Variants in LGSN observed in about 807,000 individuals in gnomAD.
LGSN encodes lengsin.
Under a neutral mutation model 19.5 loss-of-function variants are expected in LGSN, and 21 were observed. The ratio of observed to expected loss-of-function variants is 1.07; its 90% CI spans 0.76 to 1.55. The LOEUF (loss-of-function observed/expected upper bound fraction) is 1.55, where lower values mean the gene tolerates loss of function less well. LGSN is among the 40% of genes most tolerant of loss of function. LGSN has a pLI of 0.00. For missense variants in LGSN, 673 were observed against 608.5 expected (o/e 1.11, Z -1.12); for synonymous variants, 257 against 215.6 (o/e 1.19, Z -1.68).
the LGSN span, among the ~76,000 whole-genome samples, chr6:63,504,798 T>C: frequency 6.6e-6 from 1 of 152,176 alleles, no homozygotes; most frequent in Non-Finnish European, 1.5e-5. Flanking sequence ...TATCAATGCT[T>C]GATAATTGCA....
chr6:63,337,123 C>G, the LGSN span, among the ~76,000 whole-genome samples: 4 of 150,756 alleles, frequency 2.7e-5, no homozygotes, highest in South Asian at 8.5e-4. Flanking sequence ...CGGGGTTTCA[C>G]CATGTTGGCC....
chr6:63,453,503 C>T, the LGSN span, among the ~76,000 whole-genome samples: 2 of 152,010 alleles, frequency 1.3e-5, no homozygotes, highest in East Asian at 3.9e-4. Context: ...TTCAACTGAT[C>T]CCTTTATTGT....
At chr6:63,313,643 T>C (rs1025593393) in intron 1 of LGSN, among the ~76,000 whole-genome samples, 3 of 152,006 alleles carry the variant, frequency 2.0e-5, no homozygotes, top group African/African-American at 4.8e-5. Context: ...GAGACCAGCC[T>C]GGCCAACATA....
chr6:63,557,316 A>C, the LGSN span, among the ~76,000 whole-genome samples: 2 of 152,230 alleles, frequency 1.3e-5, no homozygotes, highest in African/African-American at 4.8e-5. Context: ...CTGTAATCCC[A>C]GAACTTTGGG....
chr6:63,504,686 C>T, the LGSN span, among the ~76,000 whole-genome samples: 1 of 152,210 alleles, frequency 6.6e-6, no homozygotes, highest in Non-Finnish European at 1.5e-5. Flanking sequence ...TCATGTGATC[C>T]ACCCACCTCG....
At chr6:63,492,441 T>C in the LGSN span, among the ~76,000 whole-genome samples, 1 of 152,244 alleles carries the variant, frequency 6.6e-6, no homozygotes, top group Non-Finnish European at 1.5e-5. Context: ...TCCGTAATTA[T>C]ACAGTGACTT....
the LGSN span, among the ~76,000 whole-genome samples, chr6:63,564,949 T>C: frequency 6.6e-6 from 1 of 152,196 alleles, no homozygotes; most frequent in East Asian, 1.9e-4. Context: ...CCCAAGGAAA[T>C]GGTGCCTTTC....
chr6:63,443,925 A>AG, the LGSN span, among the ~76,000 whole-genome samples: 1 of 151,898 alleles, frequency 6.6e-6, no homozygotes, highest in African/African-American at 2.4e-5. Flanking sequence ...AAAAAAAAAA[A>AG]AAAGTGTCAT....
At chr6:63,413,601 T>A in the LGSN span, among the ~76,000 whole-genome samples, 2 of 152,192 alleles carry the variant, frequency 1.3e-5, no homozygotes, top group African/African-American at 4.8e-5. Flanking sequence ...TTAGGCAAAC[T>A]TCTCAGCAGG....
chr6:63,482,228 A>T, the LGSN span, among the ~76,000 whole-genome samples: 1 of 152,172 alleles, frequency 6.6e-6, no homozygotes, highest in African/African-American at 2.4e-5. Flanking sequence ...CTTCATGAGA[A>T]CCTGAACTTT....
chr6:63,331,040 T>TC, the LGSN span, among the ~76,000 whole-genome samples: 1 of 152,108 alleles, frequency 6.6e-6, no homozygotes, highest in African/African-American at 2.4e-5. Flanking sequence ...CAAATTCCCC[T>TC]CCCCCTACAG....
chr6:63,500,520 C>A, the LGSN span, among the ~76,000 whole-genome samples: 1 of 151,924 alleles, frequency 6.6e-6, no homozygotes, highest in Non-Finnish European at 1.5e-5. Context: ...TTCCTGGGTT[C>A]AAGTGATTCT....
intron 2 of LGSN, among the ~76,000 whole-genome samples, chr6:63,288,471 A>C (rs1050545912): frequency 1.3e-5 from 2 of 151,878 alleles, no homozygotes; most frequent in Non-Finnish European, 2.9e-5. Flanking sequence ...TGGAAAAAAA[A>C]AAAACCATAA....
chr6:63,528,952 G>A, the LGSN span, among the ~76,000 whole-genome samples: 1 of 151,714 alleles, frequency 6.6e-6, no homozygotes, highest in Non-Finnish European at 1.5e-5. Flanking sequence ...AGCTGGGCGT[G>A]GTGGCACATG....
At chr6:63,336,918 C>CTTTCT in the LGSN span, among the ~76,000 whole-genome samples, 7 of 143,108 alleles carry the variant, frequency 4.9e-5, no homozygotes, top group Non-Finnish European at 9.1e-5. Flanking sequence ...TATGACATTC[C>CTTTCT]TTTCTTTTCT....
At chr6:63,356,009 G>GT in the LGSN span, among the ~76,000 whole-genome samples, 4 of 151,876 alleles carry the variant, frequency 2.6e-5, no homozygotes, top group South Asian at 6.2e-4. Flanking sequence ...TGTTATTCCT[G>GT]TATCTGTTCA....
the LGSN span, among the ~76,000 whole-genome samples, chr6:63,568,869 A>G: frequency 6.6e-6 from 1 of 152,076 alleles, no homozygotes; most frequent in Admixed American, 6.6e-5. Flanking sequence ...ATGGGAACTT[A>G]CCCTCTGCAC....
Position 63,279,969 on chromosome 6 carries a change from AT to A in LGSN, c.*51del. 6.8e-7 allele frequency: 1 copy of A among 1,469,904 alleles called. No homozygotes were observed. Among genetic ancestry groups the A allele is most frequent in the Non-Finnish European group, 9.1e-7 (1 of 1,095,068 alleles). The allele number at this position is 1,469,904 out of a possible 1,614,324, so 91.1% of individuals were successfully genotyped here. On this transcript the variant is annotated 3_prime_UTR_variant, in exon 4 of 4. Coordinates refer to ENST00000370657, the MANE Select transcript of LGSN (RefSeq NM_016571.3). ...AAGTTCAGTCTTTTTGTTTTGGTAG[AT>A]TAGCTTTAAGTAACAATTACATGTC... is the stretch of plus-strand genomic sequence containing the variant.
At chr6:63,526,444 G>A in the LGSN span, among the ~76,000 whole-genome samples, 1 of 151,930 alleles carries the variant, frequency 6.6e-6, no homozygotes, top group African/African-American at 2.4e-5. Context: ...CCCAGAATCA[G>A]AGCCAATCCA....
Sources: allele counts gnomAD v4.1 joint callset (sites outside exome capture counted in the v4.1 genomes callset), GRCh38; gene constraint gnomAD v4.1.1; transcripts MANE v1.5; gene names NCBI Gene and HGNC (gene_info 2026-07-23, HGNC 2026-07-21).